RPAIN: variants seen among roughly 807,000 people sequenced by gnomAD.
RPAIN encodes the protein RPA interacting protein.
A neutral mutation model predicts 30.5 loss-of-function variants in RPAIN; 29 were observed. The ratio of observed to expected loss-of-function variants is 0.95; its 90% CI spans 0.71 to 1.30. The LOEUF is 1.30. Among genes scored for constraint, RPAIN ranks in the 50% most tolerant of loss-of-function variants. The pLI is 0.00. For synonymous variants in RPAIN, 101 were observed against 93.5 expected, an observed-to-expected ratio of 1.08 and a Z score of -0.46; for missense variants, 247 against 264.7, an observed-to-expected ratio of 0.93 and a Z score of 0.46.
chr17:5,431,695 T>C (rs765716475), intron 6 of RPAIN: 3 of 453,522 alleles, frequency 6.6e-6, no homozygotes, highest in South Asian at 3.1e-5. Flanking sequence ...TGTTGAAAGA[T>C]AGGGGTGGGT....
At chr17:5,422,691 C>A (rs1211056716) in intron 2 of RPAIN, 78 bp from the exon 3 acceptor site, 13 of 1,353,822 alleles carry the variant, frequency 9.6e-6, no homozygotes, top group Non-Finnish European at 1.0e-5. Flanking sequence ...TTCAAGCCAG[C>A]CTCCAAGTAT....
At chr17:5,427,506 T>C (rs1486133340) in intron 5 of RPAIN, 2 of 153,610 alleles carry the variant, frequency 1.3e-5, no homozygotes, top group Non-Finnish European at 2.9e-5. Flanking sequence ...TTCCATAAAG[T>C]GGATCAAGAA....
At chr17:5,425,053 C>T (rs889087350) in intron 3 of RPAIN, 5 of 284,844 alleles carry the variant, frequency 1.8e-5, no homozygotes, top group East Asian at 2.7e-4. Flanking sequence ...ACTTCACAGA[C>T]CATGTGGTCT....
chr17:5,427,937 G>A (rs1312800903), intron 5 of RPAIN, 134 bp from the exon 6 acceptor site: 8 of 807,690 alleles, frequency 9.9e-6, no homozygotes, highest in South Asian at 3.1e-5. Flanking sequence ...TCATGGGCCC[G>A]AGTGTCTTTA....
At chr17:5,423,039 C>G in intron 3 of RPAIN, 1 of 461,592 alleles carries the variant, frequency 2.2e-6, no homozygotes, top group Non-Finnish European at 3.8e-6. Flanking sequence ...AAGAACTTCT[C>G]ATTTAATGAT....
intron 6 of RPAIN, chr17:5,432,276 G>C (rs1916050694): frequency 4.8e-6 from 2 of 413,250 alleles, no homozygotes; most frequent in South Asian, 4.7e-5. Context: ...GAGGATGTTT[G>C]ATTAGTTCAT....
At chr17:5,427,549 C>T (rs1035025375) in intron 5 of RPAIN, 1 of 154,248 alleles carries the variant, frequency 6.5e-6, no homozygotes, top group African/African-American at 2.4e-5. Flanking sequence ...TTTTCCTCCC[C>T]ATCTTTTACC....
At chr17:5,428,041 G>A (rs1915567066) in intron 5 of RPAIN, 30 bp from the exon 6 acceptor site, 1 of 1,611,974 alleles carries the variant, frequency 6.2e-7, no homozygotes, top group Non-Finnish European at 8.5e-7. Context: ...TCAAGTCACT[G>A]AGAGGAGGTT....
intron 2 of RPAIN, chr17:5,421,941 A>ATGCC (rs1229257587): frequency 7.7e-6 from 1 of 129,468 alleles, no homozygotes; most frequent in East Asian, 6.6e-4. Flanking sequence ...GTGTGCCACC[A>ATGCC]TGCCCGGCTA....
chr17:5,427,962 C>G (rs974809622), intron 5 of RPAIN, 109 bp from the exon 6 acceptor site: 1 of 1,040,108 alleles, frequency 9.6e-7, no homozygotes, highest in African/African-American at 1.6e-5. Context: ...TCCAAGGAGT[C>G]AAGCCATCAC....
chr17:5,425,828 A>G, intron 3 of RPAIN, 143 bp from the exon 4 acceptor site: 1 of 611,936 alleles, frequency 1.6e-6, no homozygotes, highest in South Asian at 2.0e-5. Flanking sequence ...CCAGCCTGAG[A>G]GAGCATAAAA....
intron 5 of RPAIN, 186 bp downstream of exon 5, chr17:5,426,485 A>C: frequency 1.6e-6 from 1 of 625,132 alleles, no homozygotes; most frequent in Admixed American, 2.4e-5. Flanking sequence ...ATTGGCAAAC[A>C]GTACACATCA....
chr17:5,431,707 A>C, intron 6 of RPAIN: 1 of 452,088 alleles, frequency 2.2e-6, no homozygotes, highest in South Asian at 1.6e-5. Flanking sequence ...GGGGTGGGTT[A>C]CAGAAGATTG....
chr17:5,428,604 C>T, intron 6 of RPAIN: 1 of 977,740 alleles, frequency 1.0e-6, no homozygotes, highest in Non-Finnish European at 1.3e-6. Flanking sequence ...GTTTGTCTGT[C>T]AGTGGAGTTT....
intron 6 of RPAIN, chr17:5,431,764 G>C: frequency 4.9e-6 from 2 of 409,154 alleles, no homozygotes; most frequent in Non-Finnish European, 9.8e-6. Context: ...CGGTGCTCAA[G>C]TGGTGGTCCT....
At position 5,426,030 on chromosome 17, in the gene RPAIN, A is replaced by G. The variant is rs370836895; in HGVS notation, c.373A>G (p.Ile125Val). Residue 125 changes from isoleucine (I) to valine (V), a missense_variant, in exon 4 of 7, where the codon ATC (isoleucine) becomes GTC (valine). Coordinates refer to ENST00000381209, the MANE Select transcript of RPAIN (RefSeq NM_001033002.4). ...SLQFDEKCLS[I>V]MLAEWEANPL... ...GCAGTTTGATGAAAAGTGTCTCAGCATCATGCTGGCTGAGTGGGAGGCAAA... is the reference window on the plus strand; with the variant it reads ...GCAGTTTGATGAAAAGTGTCTCAGCGTCATGCTGGCTGAGTGGGAGGCAAA... 1.2e-5 allele frequency: 19 copies of G among 1,613,922 alleles called. No homozygotes were observed. The highest frequency in any genetic ancestry group is 2.2e-5 in the East Asian group (1 of 44,898).
intron 6 of RPAIN, chr17:5,428,678 C>T (rs1597344885): frequency 1.1e-6 from 1 of 896,154 alleles, no homozygotes; most frequent in Non-Finnish European, 1.4e-6. Flanking sequence ...GCCAGGAACA[C>T]AAGTGGGTAA....
chr17:5,421,584 A>G, intron 2 of RPAIN, 118 bp downstream of exon 2: 1 of 844,892 alleles, frequency 1.2e-6, no homozygotes, highest in South Asian at 2.0e-5. Context: ...CCCCATTTAG[A>G]ATTCAACAGC....
Position 5,422,769 on chromosome 17 carries a change from C to T in RPAIN, c.253C>T (p.Leu85=), listed in dbSNP as rs1071648. 0.31 allele frequency: 488,918 copies of T among 1,602,406 alleles called. 85,970 individuals are homozygous for T. Among genetic ancestry groups the T allele is most frequent in the East Asian group, 0.8 (35,813 of 44,774 alleles). ...CTGATGCCGCTCCTTTCTCTTCCAG[C>T]TGGAGGAGCTGATAGACATGGCTGT... ...VENCPEDLAQ[L]EELIDMAVLE... The change falls in exon 3 of 7, where the codon CTG becomes TTG. Residue 85 remains leucine (L), a splice_region_variant and synonymous_variant. Coordinates refer to ENST00000381209, the MANE Select transcript of RPAIN (RefSeq NM_001033002.4).
Sources: allele counts gnomAD v4.1 joint callset, GRCh38; gene constraint gnomAD v4.1.1; transcripts MANE v1.5; gene names NCBI Gene and HGNC (gene_info 2026-07-23, HGNC 2026-07-21).